Variants in CACNA1H observed in about 807,000 individuals in gnomAD.
The protein encoded by CACNA1H is voltage-dependent T-type calcium channel subunit alpha-1H.
Under a neutral mutation model 192.5 loss-of-function variants are expected in CACNA1H, and 149 were observed. The observed-to-expected ratio is 0.77, with a 90% CI of 0.68 to 0.89. The LOEUF (loss-of-function observed/expected upper bound fraction) is 0.89. Among genes scored for constraint, CACNA1H ranks in the 40% least tolerant of loss-of-function variants. The probability of loss-of-function intolerance (pLI) is 0.00; values close to 1 mark genes in which losing one functional copy is unlikely to be tolerated. For synonymous variants in CACNA1H, 2,202 were observed against 1,475.2 expected (o/e 1.49, Z -11.29); for missense variants, 4,257 against 3,423.5 (o/e 1.24, Z -6.08).
chr16:1,194,387 T>G (rs1596378561), intron 2 of CACNA1H, among the ~76,000 whole-genome samples: 1 of 152,088 alleles, frequency 6.6e-6, no homozygotes, highest in Non-Finnish European at 1.5e-5. Flanking sequence ...TCTCCCTCCT[T>G]CCTCTGGTTC....
intron 21 of CACNA1H, 26 bp from the exon 22 acceptor site, chr16:1,211,142 G>A: frequency 1.9e-6 from 3 of 1,610,322 alleles, no homozygotes; most frequent in Non-Finnish European, 2.5e-6. Context: ...ATAGATGACT[G>A]CAGTGTATCC....
chr16:1,164,492 G>A (rs1044591597), intron 2 of CACNA1H, among the ~76,000 whole-genome samples: 3 of 152,136 alleles, frequency 2.0e-5, no homozygotes, highest in African/African-American at 4.8e-5. Context: ...CCACCACGCC[G>A]GGCCTCATAC....
At chr16:1,210,693 G>A (rs764265074) in intron 20 of CACNA1H, 42 bp downstream of exon 20, 27 of 1,588,654 alleles carry the variant, frequency 1.7e-5, no homozygotes, top group South Asian at 8.9e-5. Flanking sequence ...CCAGGTCCCC[G>A]TTCTGCCCTC....
chr16:1,162,516 G>T (rs1366979480), intron 2 of CACNA1H, among the ~76,000 whole-genome samples: 1 of 152,186 alleles, frequency 6.6e-6, no homozygotes, highest in Non-Finnish European at 1.5e-5. Context: ...AGAGAGAGAG[G>T]ACGCTTAGCC....
chr16:1,202,360 C>G lies in CACNA1H; in HGVS notation c.1910C>G (p.Ala637Gly). The G allele has an allele frequency of 6.4e-7, 1 of 1,563,242 alleles. No individual in the cohort carries two copies. The highest frequency in any genetic ancestry group is 1.4e-5 in the African/African-American group (1 of 73,794). ...STSPGPKGKW[A>G]GGPPGTGGHG... is the part of the protein sequence containing the mutation. ...AGCCCCGGACCCAAGGGGAAGTGGG[C>G]CGGTGGACCGCCAGGCACCGGGGGG... Residue 637 changes from alanine (A) to glycine (G), a missense_variant, in exon 9 of 35, where the codon GCC becomes GGC. Physicochemically the swap from Ala to Gly is moderately conservative, Grantham distance 60 (BLOSUM62 0). Coordinates refer to ENST00000348261, the MANE Select transcript of CACNA1H (RefSeq NM_021098.3).
chr16:1,173,946 C>T (rs780872602), intron 2 of CACNA1H, among the ~76,000 whole-genome samples: 7 of 152,194 alleles, frequency 4.6e-5, no homozygotes, highest in Non-Finnish European at 7.4e-5. Context: ...TGGACATTAA[C>T]CTGTGCACAC....
At chr16:1,197,905 C>T (rs1016554882) in intron 5 of CACNA1H, among the ~76,000 whole-genome samples, 1 of 152,144 alleles carries the variant, frequency 6.6e-6, no homozygotes, top group African/African-American at 2.4e-5. Context: ...CTTGGCTGAC[C>T]CACTTGCTGG....
intron 2 of CACNA1H, among the ~76,000 whole-genome samples, chr16:1,163,074 G>A (rs1274120224): frequency 1.4e-4 from 21 of 152,232 alleles, no homozygotes; most frequent in Non-Finnish European, 2.8e-4. Context: ...TCCCTCACTC[G>A]TCACCCAGCC....
At chr16:1,201,211 C>G (rs8044618) in intron 8 of CACNA1H, among the ~76,000 whole-genome samples, 1 of 151,840 alleles carries the variant, frequency 6.6e-6, no homozygotes, top group Non-Finnish European at 1.5e-5. Flanking sequence ...CTAGAGCCAC[C>G]CTGCGGGGAC....
At chr16:1,206,774 G>A (rs1968767792) in intron 12 of CACNA1H, 1 of 532,252 alleles carries the variant, frequency 1.9e-6, no homozygotes, top group South Asian at 2.5e-5. Context: ...CCCGCCTCTG[G>A]TCTTGGTTCT....
intron 31 of CACNA1H, 81 bp from the exon 32 acceptor site, chr16:1,217,837 AG>A: frequency 6.7e-7 from 1 of 1,484,952 alleles, no homozygotes; most frequent in Non-Finnish European, 9.0e-7. Flanking sequence ...GGGCTCCCCA[AG>A]GGGCATGTGG....
chr16:1,215,463 G>A (rs1418620145), intron 29 of CACNA1H, 60 bp from the exon 30 acceptor site: 3 of 1,586,166 alleles, frequency 1.9e-6, no homozygotes, highest in South Asian at 1.1e-5. Flanking sequence ...GGGCGGCCAG[G>A]GTCCCCGCGC....
chr16:1,207,535 A>C, intron 14 of CACNA1H, 105 bp downstream of exon 14: 1 of 1,265,182 alleles, frequency 7.9e-7, no homozygotes, highest in East Asian at 2.5e-5. Flanking sequence ...GGTGAGGGAT[A>C]GAGAAGGGAA....
At chr16:1,168,892 C>G (rs998680504) in intron 2 of CACNA1H, among the ~76,000 whole-genome samples, 1 of 152,076 alleles carries the variant, frequency 6.6e-6, no homozygotes, top group Non-Finnish European at 1.5e-5. Context: ...CAGGGGGTGC[C>G]CCGCTCTGAA....
intron 5 of CACNA1H, among the ~76,000 whole-genome samples, chr16:1,196,455 C>T (rs1306980613): frequency 6.6e-6 from 1 of 152,210 alleles, no homozygotes; most frequent in Non-Finnish European, 1.5e-5. Context: ...CCCGCCTTCA[C>T]ACCCACACAA....
At chr16:1,165,377 C>A (rs144934984) in intron 2 of CACNA1H, among the ~76,000 whole-genome samples, 2 of 152,214 alleles carry the variant, frequency 1.3e-5, no homozygotes, top group African/African-American at 4.8e-5. Context: ...CACGCTCTTT[C>A]GTGACAGCAC....
chr16:1,153,558 CTGGA>C (rs1349888139), intron 1 of CACNA1H, 88 bp downstream of exon 1: 1 of 241,042 alleles, frequency 4.1e-6, no homozygotes, highest in African/African-American at 6.8e-5. Context: ...GGTGGGGCCG[CTGGA>C]GGGAGGGAGG....
chr16:1,164,558 G>C (rs1157541776), intron 2 of CACNA1H, among the ~76,000 whole-genome samples: 1 of 152,256 alleles, frequency 6.6e-6, no homozygotes, highest in Non-Finnish European at 1.5e-5. Context: ...CAGGTGGGCA[G>C]TGGCCTGCAG....
intron 5 of CACNA1H, among the ~76,000 whole-genome samples, chr16:1,197,558 C>T (rs897481557): frequency 2.6e-5 from 4 of 152,240 alleles, no homozygotes; most frequent in Non-Finnish European, 4.4e-5. Context: ...AGGACACGCT[C>T]AGGGCTGCAT....
Sources: gnomAD v4.1 joint callset for allele counts (sites outside exome capture counted in the v4.1 genomes callset) on GRCh38, gnomAD v4.1.1 for gene constraint, MANE v1.5 for transcripts, NCBI Gene and HGNC (gene_info 2026-07-23, HGNC 2026-07-21) for gene names.